RPS6KA2: variants seen among roughly 807,000 people sequenced by gnomAD.
RPS6KA2 encodes ribosomal protein S6 kinase A2.
RPS6KA2 carries 42 observed loss-of-function variants against 91.8 expected under a neutral mutation model. The ratio of observed to expected loss-of-function variants is 0.46; its 90% CI spans 0.36 to 0.59. The LOEUF (loss-of-function observed/expected upper bound fraction) is 0.59, where lower values mean the gene tolerates loss of function less well. Ranked by LOEUF, RPS6KA2 falls within the 20% of genes least tolerant of loss-of-function variation. The pLI is 0.00. For missense variants in RPS6KA2, 798 were observed against 978.5 expected (o/e 0.82, Z 2.46); for synonymous variants, 414 against 393.6 (o/e 1.05, Z -0.61).
intron 2 of RPS6KA2, among the ~76,000 whole-genome samples, chr6:166,667,677 T>C (rs1214706791): frequency 1.3e-5 from 2 of 152,180 alleles, no homozygotes; most frequent in African/African-American, 2.4e-5. Context: ...CCCCCTGCAA[T>C]TGTGGAAACT....
intron 2 of RPS6KA2, among the ~76,000 whole-genome samples, chr6:166,847,733 A>G (rs1012780420): frequency 6.6e-6 from 1 of 152,206 alleles, no homozygotes; most frequent in East Asian, 1.9e-4. Context: ...TTCATTCTTC[A>G]TCTCTCACCT....
rs149707507 is a variant in RPS6KA2, at chr6:166,666,847, A to C, written c.124-128063T>G. ...CATTCATAGCAGCATCATTCACAGT[A>C]GCCAAAAGATGGAAGCAACCTCAGT... On this transcript the variant is annotated intron_variant, in intron 2 of 21. Transcript: ENST00000503859. This position sits in a 1 kb window ranked among gnomAD's most constrained non-coding sequence, Gnocchi z 4.0. 3.7e-3 allele frequency among the ~76,000 whole-genome samples: 568 copies of C among 152,358 alleles called. 4 individuals are homozygous for C. Among genetic ancestry groups the C allele is most frequent in the Admixed American group, 7.4e-3 (114 of 15,306 alleles).
intron 1 of RPS6KA2, among the ~76,000 whole-genome samples, chr6:166,567,155 C>T (rs1416957714): frequency 6.6e-6 from 1 of 152,350 alleles, no homozygotes; most frequent in South Asian, 2.1e-4. Flanking sequence ...GAACACCCTG[C>T]TTGCTACCCA....
At chr6:166,667,457 C>T (rs1289215155) in intron 2 of RPS6KA2, among the ~76,000 whole-genome samples, 1 of 152,196 alleles carries the variant, frequency 6.6e-6, no homozygotes, top group African/African-American at 2.4e-5. Flanking sequence ...GAACCATAAG[C>T]TCAAAACACC....
At chr6:166,569,322 CT>C (rs1472367564) in intron 1 of RPS6KA2, among the ~76,000 whole-genome samples, 12 of 152,348 alleles carry the variant, frequency 7.9e-5, no homozygotes, top group Admixed American at 7.8e-4. Flanking sequence ...GCACCGAGGG[CT>C]GGGCGTCACG....
chr6:166,515,334 G>A (rs1234279366), intron 3 of RPS6KA2, among the ~76,000 whole-genome samples: 4 of 152,212 alleles, frequency 2.6e-5, no homozygotes, highest in Admixed American at 6.5e-5. Flanking sequence ...CCCCCGGGAG[G>A]GGCCCGCAGC....
chr6:166,798,589 C>T (rs781223609), intron 2 of RPS6KA2, among the ~76,000 whole-genome samples: 3 of 152,232 alleles, frequency 2.0e-5, no homozygotes, highest in Non-Finnish European at 2.9e-5. Flanking sequence ...CGGCCCTCTC[C>T]ACCACAGTGG....
intron 17 of RPS6KA2, among the ~76,000 whole-genome samples, chr6:166,421,187 A>G (rs1385651450): frequency 6.6e-6 from 1 of 152,230 alleles, no homozygotes; most frequent in African/African-American, 2.4e-5. Flanking sequence ...AACATGGTTA[A>G]TAGATTTTAC....
chr6:166,534,349 G>A (rs1473759524), intron 2 of RPS6KA2, among the ~76,000 whole-genome samples: 1 of 152,096 alleles, frequency 6.6e-6, no homozygotes, highest in Non-Finnish European at 1.5e-5. Context: ...GAGCCCAGGA[G>A]TTTGCAAACA....
intron 5 of RPS6KA2, among the ~76,000 whole-genome samples, chr6:166,505,386 C>T (rs1228606235): frequency 2.0e-5 from 3 of 152,160 alleles, no homozygotes; most frequent in East Asian, 1.9e-4. Context: ...GCCATCGCCC[C>T]ATAATGACTC....
chr6:166,785,850 A>T (rs1030027038), intron 2 of RPS6KA2, among the ~76,000 whole-genome samples: 3 of 152,268 alleles, frequency 2.0e-5, no homozygotes, highest in Non-Finnish European at 4.4e-5. Context: ...TAGTATAAAG[A>T]CAAGGTATTG....
At chr6:166,614,414 A>C (rs1017005780) in intron 1 of RPS6KA2, among the ~76,000 whole-genome samples, 4 of 152,104 alleles carry the variant, frequency 2.6e-5, no homozygotes, top group African/African-American at 7.2e-5. Context: ...CTTCCTACCC[A>C]GGCCCCGAGG....
At chr6:166,541,885 C>A (rs1182967551) in intron 1 of RPS6KA2, among the ~76,000 whole-genome samples, 1 of 152,098 alleles carries the variant, frequency 6.6e-6, no homozygotes, top group African/African-American at 2.4e-5. Flanking sequence ...AGCTTTCTTC[C>A]CTAATAATAT....
intron 19 of RPS6KA2, among the ~76,000 whole-genome samples, chr6:166,416,175 C>A (rs1423505182): frequency 6.6e-6 from 1 of 152,252 alleles, no homozygotes; most frequent in African/African-American, 2.4e-5. Flanking sequence ...CCTCCACCAT[C>A]ACCCTCGCCA....
intron 2 of RPS6KA2, among the ~76,000 whole-genome samples, chr6:166,747,738 T>C (rs1444819711): frequency 6.6e-6 from 1 of 152,194 alleles, no homozygotes; most frequent in Non-Finnish European, 1.5e-5. Flanking sequence ...GGTGTGTGCG[T>C]GGATGCTGAG....
rs1779637614 is a variant in RPS6KA2 at position 166,445,167 on chromosome 6, G to C, written c.1332+3557C>G. On this transcript the variant is annotated intron_variant, in intron 14 of 20. Coordinates refer to ENST00000265678, the MANE Select transcript of RPS6KA2 (RefSeq NM_021135.6). This position sits in a 1 kb window ranked among gnomAD's most constrained non-coding sequence, Gnocchi z 4.5. The stretch of plus-strand genomic sequence containing the variant: ...CATACCTGACCGTCATAGAGGTGAA[G>C]AGCTGGCCCCACTCTCCTCTTAGAA... Among the ~76,000 whole-genome samples, 1 of 151,864 alleles carries C rather than the reference G, an allele frequency of 6.6e-6. No individual in the cohort carries two copies. Among genetic ancestry groups the C allele is most frequent in the Non-Finnish European group, 1.5e-5 (1 of 67,980 alleles).
chr6:166,805,462 G>C (rs1476095096), intron 2 of RPS6KA2, among the ~76,000 whole-genome samples: 1 of 152,104 alleles, frequency 6.6e-6, no homozygotes, highest in Non-Finnish European at 1.5e-5. Context: ...CCCCAACTTG[G>C]GGGCCAGATG....
chr6:166,650,422 C>T (rs1027973461), intron 2 of RPS6KA2, among the ~76,000 whole-genome samples: 2 of 151,106 alleles, frequency 1.3e-5, no homozygotes, highest in Admixed American at 6.6e-5. Flanking sequence ...CCTCTTTTCA[C>T]GGCCATCACT....
chr6:166,772,402 G>A (rs1236946564), intron 2 of RPS6KA2, among the ~76,000 whole-genome samples: 2 of 152,338 alleles, frequency 1.3e-5, no homozygotes, highest in African/African-American at 4.8e-5. Context: ...GAATGGAGTC[G>A]AGCAAGGAGG....
Sources: allele counts gnomAD v4.1 joint callset (sites outside exome capture counted in the v4.1 genomes callset), GRCh38; gene constraint gnomAD v4.1.1; non-coding constraint Gnocchi (gnomAD v3.1); transcripts MANE v1.5; gene names NCBI Gene and HGNC (gene_info 2026-07-23, HGNC 2026-07-21).